Variants in NRDC observed in about 807,000 individuals in gnomAD.
NRDC encodes nardilysin.
In NRDC, 54 loss-of-function variants were observed where a neutral mutation model predicts 147.1. That is an observed-to-expected ratio of 0.37 (90% confidence interval 0.29 to 0.46). The LOEUF (loss-of-function observed/expected upper bound fraction) is 0.46. Among genes scored for constraint, NRDC ranks in the 20% least tolerant of loss-of-function variants. The pLI is 1.00. For missense variants in NRDC, 1,082 were observed against 1,370.6 expected, an observed-to-expected ratio of 0.79 and a Z score of 3.33; for synonymous variants, 440 against 482.1, an observed-to-expected ratio of 0.91 and a Z score of 1.14.
At chr1:51,813,490 A>G (rs1679822743) in intron 14 of NRDC, among the ~76,000 whole-genome samples, 1 of 152,052 alleles carries the variant, frequency 6.6e-6, no homozygotes. Flanking sequence ...ACGCTTCCCA[A>G]AACACCACAC....
intron 20 of NRDC, among the ~76,000 whole-genome samples, chr1:51,801,903 T>G (rs1048546797): frequency 6.6e-6 from 1 of 152,108 alleles, no homozygotes; most frequent in Non-Finnish European, 1.5e-5. Context: ...TTCTCCTGCC[T>G]CAGCCTCCCG....
intron 20 of NRDC, among the ~76,000 whole-genome samples, chr1:51,803,474 C>CAAA (rs56122829): frequency 7.8e-6 from 1 of 128,898 alleles, no homozygotes; most frequent in Non-Finnish European, 1.7e-5. Context: ...GTATCTGTCT[C>CAAA]AAAAAAAAAA....
Position 51,800,539 on chromosome 1 carries a change from A to ATC in NRDC, c.2441+15_2441+16dup. On this transcript the variant is annotated intron_variant, in intron 21 of 30. Coordinates refer to ENST00000352171, the MANE Select transcript of NRDC (RefSeq NM_001101662.2). ...TTTCAGGTCCTCAAAATATAAGCTC[A>ATC]TCTCATTTATACCCACTTGGCCAAA... 1 of 1,612,990 alleles carries ATC rather than the reference A, an allele frequency of 6.2e-7. No individual in the cohort carries two copies. The highest frequency in any genetic ancestry group is 8.5e-7 in the Non-Finnish European group (1 of 1,179,270).
At chr1:51,830,370 T>G (rs979599107) in intron 4 of NRDC, among the ~76,000 whole-genome samples, 1 of 152,212 alleles carries the variant, frequency 6.6e-6, no homozygotes, top group African/African-American at 2.4e-5. Flanking sequence ...CTCAATCATG[T>G]TGTATTATTT....
rs74558295 is a variant in NRDC, at chr1:51,814,839, A to G, written c.1440-26T>C. 2,088 of 1,548,762 alleles carry G rather than the reference A, an allele frequency of 1.3e-3. 28 individuals carry two copies. The African/African-American group carries it at 0.026, about 19-fold the overall frequency. The stretch of plus-strand genomic sequence containing the variant: ...CTACAGGTGGGGAAAAAATTAACCC[A>G]ATCAATGTTCCTGGATTGACAGTCT... On this transcript the variant is annotated intron_variant, in intron 11 of 30. Transcript: ENST00000352171.
chr1:51,837,067 C>A (rs1419749974), intron 2 of NRDC, among the ~76,000 whole-genome samples: 1 of 151,592 alleles, frequency 6.6e-6, no homozygotes, highest in African/African-American at 2.4e-5. Flanking sequence ...TAGGCGTGAG[C>A]CACTGCACCC....
intron 28 of NRDC, 48 bp from the exon 29 acceptor site, chr1:51,790,697 TC>T: frequency 1.5e-6 from 2 of 1,336,240 alleles, no homozygotes; most frequent in Non-Finnish European, 2.2e-6. Flanking sequence ...ACATACCACT[TC>T]CCACAGAACA....
intron 1 of NRDC, among the ~76,000 whole-genome samples, chr1:51,871,635 C>A (rs778560932): frequency 1.3e-5 from 2 of 149,394 alleles, no homozygotes; most frequent in African/African-American, 4.9e-5. Flanking sequence ...GATCCTTAGC[C>A]TTAGAGACAT....
intron 21 of NRDC, among the ~76,000 whole-genome samples, chr1:51,799,787 G>A (rs926860099): frequency 1.3e-5 from 2 of 152,214 alleles, no homozygotes; most frequent in Non-Finnish European, 2.9e-5. Flanking sequence ...GCCCAAGGGG[G>A]TTGCCTGTGA....
intron 1 of NRDC, among the ~76,000 whole-genome samples, chr1:51,867,031 A>G (rs902487660): frequency 6.6e-6 from 1 of 152,120 alleles, no homozygotes; most frequent in African/African-American, 2.4e-5. Flanking sequence ...CTGCAGCACA[A>G]TGATGCGATC....
chr1:51,871,805 T>C (rs1428819693), intron 1 of NRDC, among the ~76,000 whole-genome samples: 2 of 152,188 alleles, frequency 1.3e-5, no homozygotes, highest in Non-Finnish European at 2.9e-5. Flanking sequence ...CAGCAGATCA[T>C]AAGCTTCTTA....
intron 1 of NRDC, among the ~76,000 whole-genome samples, chr1:51,850,603 G>A (rs1681900748): frequency 6.6e-6 from 1 of 152,160 alleles, no homozygotes; most frequent in Admixed American, 6.5e-5. Context: ...AAATAGCCAA[G>A]GAAGTCAGAG....
chr1:51,818,833 T>C (rs777074203), intron 9 of NRDC, among the ~76,000 whole-genome samples: 2 of 152,296 alleles, frequency 1.3e-5, no homozygotes, highest in Admixed American at 6.5e-5. Context: ...GAATTAAGAA[T>C]GTTTCTGCAA....
At chr1:51,849,715 C>G (rs908084518) in intron 1 of NRDC, among the ~76,000 whole-genome samples, 5 of 151,458 alleles carry the variant, frequency 3.3e-5, no homozygotes, top group African/African-American at 4.9e-5. Context: ...ACCCGGGAGG[C>G]TGAGGCAGGA....
chr1:51,812,199 C>A, intron 14 of NRDC, 101 bp from the exon 15 acceptor site: 1 of 813,372 alleles, frequency 1.2e-6, no homozygotes, highest in South Asian at 1.6e-5. Context: ...AACAATAAAA[C>A]CAAAAGCTTC....
intron 7 of NRDC, among the ~76,000 whole-genome samples, chr1:51,822,477 G>T (rs1385320590): frequency 2.0e-5 from 3 of 152,146 alleles, no homozygotes; most frequent in Admixed American, 6.5e-5. Flanking sequence ...GGCATTTGAG[G>T]TTACAATGAG....
chr1:51,810,305 A>G lies in NRDC; in HGVS notation c.1879T>C (p.Phe627Leu). Reference sequence around the variant, plus strand: ...CCTTCTATACTATATTGAGTTCCAAACCATTTCTCCTTGAGGTCACATTTT... The same window carrying G: ...CCTTCTATACTATATTGAGTTCCAAGCCATTTCTCCTTGAGGTCACATTTT... ...EGKCDLKEKW[F>L]GTQYSIEDIE... is the part of the protein sequence containing the mutation. The change falls in exon 16 of 31, where the codon TTT becomes CTT. Residue 627 changes from phenylalanine to leucine, a missense_variant. By Grantham distance (22) the Phe-to-Leu change is conservative. Transcript: ENST00000352171. 6.2e-7 allele frequency: 1 copy of G among 1,610,498 alleles called. No homozygotes were observed. Among genetic ancestry groups the G allele is most frequent in the African/African-American group, 1.3e-5 (1 of 74,962 alleles).
At chr1:51,847,546 C>A (rs1381948079) in intron 1 of NRDC, among the ~76,000 whole-genome samples, 1 of 152,182 alleles carries the variant, frequency 6.6e-6, no homozygotes, top group African/African-American at 2.4e-5. Flanking sequence ...TAAGGCCCGG[C>A]GAGAAATCGA....
intron 1 of NRDC, among the ~76,000 whole-genome samples, chr1:51,867,651 T>TA (rs1459713418): frequency 3.3e-5 from 5 of 152,154 alleles, no homozygotes; most frequent in Non-Finnish European, 7.4e-5. Context: ...TCAAGAAGAA[T>TA]GGTGAACTAT....
Sources: gnomAD v4.1 joint callset for allele counts (sites outside exome capture counted in the v4.1 genomes callset) on GRCh38, gnomAD v4.1.1 for gene constraint, MANE v1.5 for transcripts, NCBI Gene and HGNC (gene_info 2026-07-23, HGNC 2026-07-21) for gene names.